The following DIAPH3 variants were observed in gnomAD, a reference collection of about 807,000 sequenced individuals.
The protein encoded by DIAPH3 is diaphanous related formin 3, also known as protein diaphanous homolog 3.
Under a neutral mutation model 144.3 loss-of-function variants are expected in DIAPH3, and 117 were observed. The observed-to-expected ratio is 0.81, with a 90% CI of 0.70 to 0.95. DIAPH3 has a LOEUF of 0.95. DIAPH3 is among the 40% of genes least tolerant of loss of function. DIAPH3 has a pLI of 0.00. For missense variants in DIAPH3, 1,421 were observed against 1,412.7 expected, an observed-to-expected ratio of 1.01 and a Z score of -0.09; for synonymous variants, 519 against 488.9, an observed-to-expected ratio of 1.06 and a Z score of -0.81.
At chr13:59,948,209 T>C (rs1169664557) in intron 17 of DIAPH3, among the ~76,000 whole-genome samples, 1 of 152,210 alleles carries the variant, frequency 6.6e-6, no homozygotes, top group Non-Finnish European at 1.5e-5. Context: ...GCTTTTCACC[T>C]GGCTTCATGG....
intron 20 of DIAPH3, among the ~76,000 whole-genome samples, chr13:59,885,707 G>T (rs1002906241): frequency 6.6e-6 from 1 of 151,990 alleles, no homozygotes; most frequent in African/African-American, 2.4e-5. Flanking sequence ...AACAGTTTTA[G>T]CATACGTAAT....
chr13:59,712,798 T>C (rs996634477), intron 27 of DIAPH3, among the ~76,000 whole-genome samples: 5 of 152,198 alleles, frequency 3.3e-5, no homozygotes, highest in Admixed American at 3.3e-4. Context: ...GTGTCTGTTT[T>C]GTTTAATACT....
At chr13:60,036,039 G>A (rs2055184530) in intron 5 of DIAPH3, among the ~76,000 whole-genome samples, 1 of 151,934 alleles carries the variant, frequency 6.6e-6, no homozygotes, top group Admixed American at 6.6e-5. Context: ...TTAATACCTG[G>A]TATAAAGCCC....
chr13:59,754,377 C>T (rs7986106), intron 27 of DIAPH3, among the ~76,000 whole-genome samples: 44,040 of 151,870 alleles, frequency 0.29, 6,829 homozygotes, highest in African/African-American at 0.4. Context: ...GCGTCTGACA[C>T]GTAGTAAGTG....
At chr13:59,851,537 C>T (rs2042968928) in intron 22 of DIAPH3, among the ~76,000 whole-genome samples, 1 of 151,852 alleles carries the variant, frequency 6.6e-6, no homozygotes, top group Non-Finnish European at 1.5e-5. Flanking sequence ...AAAATGTAAA[C>T]TTCAAGAAAG....
rs567493623 is a variant in DIAPH3 at position 59,904,427 on chromosome 13, A to AC, written c.2367+7307dup. On this transcript the variant is annotated intron_variant, in intron 20 of 27. Transcript: ENST00000400324. Reference sequence around the variant, plus strand: ...TATTGTGTCAGTTTACCGAAATGATACTTTTTTTAAAAAGTTTTAATGCTA... The same window carrying AC: ...TATTGTGTCAGTTTACCGAAATGATACCTTTTTTTAAAAAGTTTTAATGCTA... 4.8e-3 allele frequency among the ~76,000 whole-genome samples: 737 copies of AC among 152,276 alleles called. 3 individuals carry two copies. Among genetic ancestry groups the AC allele is most frequent in the Non-Finnish European group, 8.3e-3 (565 of 68,028 alleles).
At chr13:59,785,596 T>C (rs1452148957) in intron 25 of DIAPH3, among the ~76,000 whole-genome samples, 1 of 152,180 alleles carries the variant, frequency 6.6e-6, no homozygotes, top group African/African-American at 2.4e-5. Flanking sequence ...TAAAAAATAT[T>C]AGCTATTCAT....
intron 4 of DIAPH3, among the ~76,000 whole-genome samples, chr13:60,043,931 C>T (rs745539407): frequency 6.6e-6 from 1 of 152,018 alleles, no homozygotes; most frequent in African/African-American, 2.4e-5. Context: ...GAAAGCCTCA[C>T]AGAGAAGACT....
chr13:59,944,732 T>C (rs1326061905), intron 17 of DIAPH3, among the ~76,000 whole-genome samples: 1 of 149,800 alleles, frequency 6.7e-6, no homozygotes, highest in African/African-American at 2.4e-5. Context: ...CATAGTTGAA[T>C]TAAAAACTAC....
chr13:59,707,333 C>A (rs1036953244), intron 27 of DIAPH3, among the ~76,000 whole-genome samples: 3 of 152,108 alleles, frequency 2.0e-5, no homozygotes, highest in African/African-American at 7.2e-5. Flanking sequence ...AGTACGCTGG[C>A]ACCTGGTTAA....
chr13:59,717,830 A>T (rs577557669), intron 27 of DIAPH3, among the ~76,000 whole-genome samples: 2 of 152,168 alleles, frequency 1.3e-5, no homozygotes, highest in South Asian at 4.2e-4. Flanking sequence ...CCACAAGCCA[A>T]ACCAAACCAA....
At chr13:60,071,697 T>C (rs1048093522) in intron 4 of DIAPH3, among the ~76,000 whole-genome samples, 4 of 152,182 alleles carry the variant, frequency 2.6e-5, no homozygotes, top group Admixed American at 2.6e-4. Context: ...TGAAGCTACA[T>C]AGTATGAACT....
At chr13:59,800,453 G>C (rs2039847685) in intron 25 of DIAPH3, among the ~76,000 whole-genome samples, 1 of 152,176 alleles carries the variant, frequency 6.6e-6, no homozygotes, top group Non-Finnish European at 1.5e-5. Context: ...CATGAGTGTA[G>C]CAATTCTGAA....
At chr13:59,865,260 C>T (rs975574138) in intron 21 of DIAPH3, among the ~76,000 whole-genome samples, 1 of 151,786 alleles carries the variant, frequency 6.6e-6, no homozygotes, top group Non-Finnish European at 1.5e-5. Context: ...TGAAAATTAC[C>T]AACTAAAAAG....
In DIAPH3 at chr13:59,882,560, A is replaced by G. The variant is rs999136881; in HGVS notation, c.2368-3092T>C. On this transcript the variant is annotated intron_variant, in intron 20 of 27. Coordinates refer to ENST00000400324, the MANE Select transcript of DIAPH3 (RefSeq NM_001042517.2). ...GGATTTGCATTCTGTTTTCCTGCTA[A>G]GAAAACTAAACTTCTGACTTGTCTA... Among the ~76,000 whole-genome samples the G allele has an allele frequency of 9.8e-5, 15 of 152,310 alleles. No individual in the cohort carries two copies. The East Asian group carries it at 2.9e-3, about 29-fold the overall frequency.
chr13:60,042,480 G>A (rs2141194975), intron 5 of DIAPH3, among the ~76,000 whole-genome samples: 1 of 151,284 alleles, frequency 6.6e-6, no homozygotes, highest in Middle Eastern at 3.4e-3. Flanking sequence ...TGGGCAAAAG[G>A]CTTTTTTACA....
intron 24 of DIAPH3, among the ~76,000 whole-genome samples, chr13:59,832,409 C>T (rs1354332382): frequency 1.3e-5 from 2 of 151,706 alleles, no homozygotes; most frequent in Non-Finnish European, 2.9e-5. Flanking sequence ...ACTTTTTAAT[C>T]GCCACAAACA....
At chr13:59,967,106 G>A (rs954302926) in intron 17 of DIAPH3, among the ~76,000 whole-genome samples, 2 of 151,966 alleles carry the variant, frequency 1.3e-5, no homozygotes, top group African/African-American at 4.8e-5. Context: ...TTACTCTGTT[G>A]CCCAGACTGG....
intron 3 of DIAPH3, among the ~76,000 whole-genome samples, chr13:60,096,852 C>T (rs72628004): frequency 0.063 from 9,626 of 152,234 alleles, 459 homozygotes; most frequent in East Asian, 0.29. Context: ...CAACAACTTC[C>T]CTGGTTTTGA....
Sources: gnomAD v4.1 joint callset for allele counts (sites outside exome capture counted in the v4.1 genomes callset) on GRCh38, gnomAD v4.1.1 for gene constraint, MANE v1.5 for transcripts, NCBI Gene and HGNC (gene_info 2026-07-23, HGNC 2026-07-21) for gene names.